Variants in MCPH1 observed in about 807,000 individuals in gnomAD.
MCPH1 encodes microcephalin.
In MCPH1, 104 loss-of-function variants were observed where a neutral mutation model predicts 84.5. The ratio of observed to expected loss-of-function variants is 1.23; its 90% CI spans 1.05 to 1.45. MCPH1 has a LOEUF of 1.45. Ranked by LOEUF, MCPH1 falls within the 40% of genes most tolerant of loss-of-function variation. The pLI is 0.00. For missense variants in MCPH1, 1,498 were observed against 1,005.7 expected, an observed-to-expected ratio of 1.49 and a Z score of -6.62; for synonymous variants, 514 against 366.8, an observed-to-expected ratio of 1.40 and a Z score of -4.58.
chr8:6,444,350 T>G, intron 7 of MCPH1, 43 bp from the exon 8 acceptor site: 2 of 1,612,390 alleles, frequency 1.2e-6, no homozygotes, highest in Middle Eastern at 1.7e-4. Flanking sequence ...ATAGAATAAT[T>G]TAAACCACTT....
intron 9 of MCPH1, among the ~76,000 whole-genome samples, chr8:6,457,407 A>G (rs1339866386): frequency 6.6e-6 from 1 of 152,046 alleles, no homozygotes; most frequent in African/African-American, 2.4e-5. Flanking sequence ...CAACATGGCA[A>G]AACCCTGGCC....
chr8:6,559,936 T>G (rs368125011), intron 12 of MCPH1, among the ~76,000 whole-genome samples: 166 of 152,210 alleles, frequency 1.1e-3, no homozygotes, highest in South Asian at 5.4e-3. Flanking sequence ...TTCCTCTGAG[T>G]TCATTCAGAA....
intron 12 of MCPH1, among the ~76,000 whole-genome samples, chr8:6,538,572 C>T (rs1430841163): frequency 6.6e-6 from 1 of 152,326 alleles, no homozygotes; most frequent in Middle Eastern, 3.4e-3. Flanking sequence ...TCCCAGCTGC[C>T]CAGCGGCCTC....
At chr8:6,480,365 C>G (rs2442488) in intron 10 of MCPH1, among the ~76,000 whole-genome samples, 17,804 of 151,908 alleles carry the variant, frequency 0.12, 1,107 homozygotes, top group African/African-American at 0.16. Flanking sequence ...GTGATCCACC[C>G]GCCTCGGCCT....
chr8:6,613,493 G>T (rs570418108), intron 12 of MCPH1, among the ~76,000 whole-genome samples: 1 of 152,246 alleles, frequency 6.6e-6, no homozygotes, highest in Admixed American at 6.5e-5. Flanking sequence ...GGACATGGAG[G>T]GGTGAAGGCG....
At chr8:6,452,955 G>A (rs1805255962) in intron 8 of MCPH1, among the ~76,000 whole-genome samples, 1 of 152,206 alleles carries the variant, frequency 6.6e-6, no homozygotes, top group South Asian at 2.1e-4. Flanking sequence ...TTAGGTAGTT[G>A]GATATAGCCA....
At chr8:6,606,935 C>T (rs755511895) in intron 12 of MCPH1, among the ~76,000 whole-genome samples, 3 of 152,192 alleles carry the variant, frequency 2.0e-5, no homozygotes, top group Non-Finnish European at 4.4e-5. Flanking sequence ...GTGAGGCCTC[C>T]CCAGCCACAT....
chr8:6,500,355 A>G (rs1357824544), intron 12 of MCPH1: 2 of 162,804 alleles, frequency 1.2e-5, no homozygotes, highest in Admixed American at 6.0e-5. Context: ...TTCAACTTTC[A>G]AATGCTTCAT....
intron 12 of MCPH1, among the ~76,000 whole-genome samples, chr8:6,542,153 C>G (rs1234587096): frequency 1.3e-5 from 2 of 152,194 alleles, no homozygotes; most frequent in East Asian, 3.9e-4. Context: ...TCTTGCCTTT[C>G]TGAATTTAAG....
chr8:6,432,769 A>G (rs563039492), intron 4 of MCPH1, among the ~76,000 whole-genome samples: 1 of 152,374 alleles, frequency 6.6e-6, no homozygotes, highest in African/African-American at 2.4e-5. Context: ...GCAGTGATAG[A>G]TGAACTTCTT....
intron 12 of MCPH1, among the ~76,000 whole-genome samples, chr8:6,566,644 G>C (rs976622343): frequency 6.6e-6 from 1 of 152,166 alleles, no homozygotes; most frequent in African/African-American, 2.4e-5. Flanking sequence ...GCCATGGATA[G>C]TGCATGTGGT....
At chr8:6,415,004 C>G (rs1799065174) in intron 3 of MCPH1, 121 bp downstream of exon 3, 3 of 960,772 alleles carry the variant, frequency 3.1e-6, no homozygotes, top group South Asian at 3.0e-5. Flanking sequence ...CTGCCTCTTA[C>G]CTCACCTAGT....
chr8:6,474,561 A>T (rs1808190029), intron 9 of MCPH1, among the ~76,000 whole-genome samples: 1 of 152,056 alleles, frequency 6.6e-6, no homozygotes, highest in African/African-American at 2.4e-5. Flanking sequence ...AATTATTGTT[A>T]AAAAAAGTTT....
intron 12 of MCPH1, among the ~76,000 whole-genome samples, chr8:6,517,479 T>C (rs1346668905): frequency 6.6e-6 from 1 of 152,248 alleles, no homozygotes; most frequent in African/African-American, 2.4e-5. Context: ...CAAATGAATT[T>C]TTCAAAACTA....
chr8:6,459,532 T>C (rs1806050093), intron 9 of MCPH1, among the ~76,000 whole-genome samples: 1 of 152,234 alleles, frequency 6.6e-6, no homozygotes, highest in Non-Finnish European at 1.5e-5. Flanking sequence ...AATATTAATG[T>C]TGAAAAAGGG....
At chr8:6,427,296 G>C (rs2920683) in intron 3 of MCPH1, among the ~76,000 whole-genome samples, 2,491 of 152,278 alleles carry the variant, frequency 0.016, 73 homozygotes, top group African/African-American at 0.056. Context: ...CTACTATACA[G>C]TACTATGGAC....
intron 9 of MCPH1, among the ~76,000 whole-genome samples, chr8:6,470,911 A>G (rs1411878945): frequency 6.6e-6 from 1 of 152,260 alleles, no homozygotes; most frequent in African/African-American, 2.4e-5. Flanking sequence ...TGTCTTTTCT[A>G]CCATCCAGTT....
At chr8:6,491,540 A>C (rs1291357941) in intron 11 of MCPH1, among the ~76,000 whole-genome samples, 1 of 151,328 alleles carries the variant, frequency 6.6e-6, no homozygotes, top group Non-Finnish European at 1.5e-5. Context: ...TTTGTTACAT[A>C]TGTATGCATG....
chr8:6,492,135 C>T (rs1484832680), intron 11 of MCPH1, among the ~76,000 whole-genome samples: 1 of 152,152 alleles, frequency 6.6e-6, no homozygotes, highest in Non-Finnish European at 1.5e-5. Flanking sequence ...CTCTCCAGCA[C>T]CTGTTGTTTC....
Sources: gnomAD v4.1 joint callset for allele counts (sites outside exome capture counted in the v4.1 genomes callset) on GRCh38, gnomAD v4.1.1 for gene constraint, MANE v1.5 for transcripts, NCBI Gene and HGNC (gene_info 2026-07-23, HGNC 2026-07-21) for gene names.